The following PLCB4 variants were observed in gnomAD, a reference collection of about 807,000 sequenced individuals.
PLCB4 encodes the protein 1-phosphatidylinositol 4,5-bisphosphate phosphodiesterase beta-4.
PLCB4 carries 77 observed loss-of-function variants against 178.8 expected under a neutral mutation model. The observed-to-expected ratio is 0.43, with a 90% confidence interval of 0.36 to 0.52. PLCB4 has a LOEUF of 0.52. Ranked by LOEUF, PLCB4 falls within the 20% of genes least tolerant of loss-of-function variation. PLCB4 has a pLI of 0.00. For missense variants in PLCB4, 1,024 were observed against 1,453.4 expected (o/e 0.70, Z 4.80); for synonymous variants, 496 against 490.8 (o/e 1.01, Z -0.14).
intron 2 of PLCB4, among the ~76,000 whole-genome samples, chr20:9,123,404 C>T (rs76555928): frequency 0.021 from 2,928 of 136,554 alleles, 35 homozygotes; most frequent in Non-Finnish European, 0.031. Flanking sequence ...TTTTAAGAAA[C>T]TCCTGGAAAT....
chr20:9,096,522 G>A (rs185367103), intron 2 of PLCB4, among the ~76,000 whole-genome samples, 180 bp downstream of exon 2: 2 of 152,260 alleles, frequency 1.3e-5, no homozygotes, highest in East Asian at 3.9e-4. Flanking sequence ...TCTTTTTAAA[G>A]AATGACTATT....
At chr20:9,375,646 T>G (rs1380164545) in intron 12 of PLCB4, among the ~76,000 whole-genome samples, 1 of 152,120 alleles carries the variant, frequency 6.6e-6, no homozygotes, top group East Asian at 1.9e-4. Context: ...ATTTCAAGTT[T>G]TTCCACTCCA....
At chr20:9,101,066 T>A (rs991811299) in intron 2 of PLCB4, among the ~76,000 whole-genome samples, 3 of 152,118 alleles carry the variant, frequency 2.0e-5, no homozygotes, top group Admixed American at 6.5e-5. Context: ...AGTGGAACCA[T>A]CACCCCAGGG....
rs1462526143 is a variant in PLCB4 at position 9,314,849 on chromosome 20, A to G, written c.84+6951A>G. On this transcript the variant is annotated intron_variant, in intron 4 of 39. Coordinates refer to ENST00000378473, the MANE Select transcript of PLCB4 (RefSeq NM_001377142.1). ...TCACTCACCCTCTTATGTGGGTGAT[A>G]CTGCATTCCTCAGGGTAGAGGAATT... is the stretch of plus-strand genomic sequence containing the variant. Among the ~76,000 whole-genome samples the G allele has an allele frequency of 2.0e-5, 3 of 150,834 alleles. No homozygotes were observed. The East Asian group carries it at 5.8e-4, about 29-fold the overall frequency.
At chr20:9,444,264 T>A in intron 32 of PLCB4, 21 bp downstream of exon 32, 1 of 1,423,978 alleles carries the variant, frequency 7.0e-7, no homozygotes, top group Non-Finnish European at 9.9e-7. Context: ...CTACAGCTAC[T>A]ATTTTGTGTT....
chr20:9,300,580 T>C (rs573073102), intron 3 of PLCB4, among the ~76,000 whole-genome samples: 14 of 152,268 alleles, frequency 9.2e-5, no homozygotes, highest in African/African-American at 3.4e-4. Flanking sequence ...TACAAGACAT[T>C]TGGAACCTGG....
intron 4 of PLCB4, among the ~76,000 whole-genome samples, chr20:9,326,900 A>C (rs1290087065): frequency 6.6e-6 from 1 of 152,158 alleles, no homozygotes; most frequent in Non-Finnish European, 1.5e-5. Flanking sequence ...GACATGCACT[A>C]ATACCATTGC....
At chr20:9,150,052 G>A (rs546119811) in intron 2 of PLCB4, among the ~76,000 whole-genome samples, 13 of 152,262 alleles carry the variant, frequency 8.5e-5, no homozygotes, top group Admixed American at 2.6e-4. Flanking sequence ...GACAGTTGAG[G>A]GCATTCTGCC....
intron 7 of PLCB4, among the ~76,000 whole-genome samples, chr20:9,359,434 T>G (rs568368787): frequency 2.2e-4 from 33 of 152,294 alleles, no homozygotes; most frequent in African/African-American, 7.9e-4. Context: ...TTCCCCCTTC[T>G]TCTTAGAAGG....
chr20:9,120,190 C>T (rs1600541002), intron 2 of PLCB4, among the ~76,000 whole-genome samples: 1 of 152,206 alleles, frequency 6.6e-6, no homozygotes, highest in Admixed American at 6.5e-5. Context: ...GTGCAGTCTT[C>T]TCCTGAGTGC....
chr20:9,221,659 A>G (rs1238239801), intron 3 of PLCB4, among the ~76,000 whole-genome samples: 4 of 152,220 alleles, frequency 2.6e-5, no homozygotes. Context: ...TCAAAGAGCT[A>G]AGTCCTAAAG....
At chr20:9,078,633 A>G (rs1384116475) in intron 1 of PLCB4, among the ~76,000 whole-genome samples, 4 of 152,146 alleles carry the variant, frequency 2.6e-5, no homozygotes, top group Non-Finnish European at 5.9e-5. Flanking sequence ...AAGTGCTGGG[A>G]TTACAGGTGT....
At chr20:9,168,005 C>T (rs369344397) in intron 2 of PLCB4, among the ~76,000 whole-genome samples, 1 of 152,146 alleles carries the variant, frequency 6.6e-6, no homozygotes, top group Admixed American at 6.6e-5. Flanking sequence ...GCATGAAGAA[C>T]TTTCACAGCT....
At chr20:9,170,745 G>A (rs1028582284) in intron 2 of PLCB4, among the ~76,000 whole-genome samples, 2 of 152,168 alleles carry the variant, frequency 1.3e-5, no homozygotes, top group African/African-American at 4.8e-5. Flanking sequence ...AAGGTCTGGG[G>A]TTGATTTGGA....
At chr20:9,112,156 G>T (rs1343032959) in intron 2 of PLCB4, among the ~76,000 whole-genome samples, 1 of 151,952 alleles carries the variant, frequency 6.6e-6, no homozygotes, top group Non-Finnish European at 1.5e-5. Flanking sequence ...TTATGTAGTT[G>T]GAAGTGTTAA....
chr20:9,149,886 C>T (rs2092662631), intron 2 of PLCB4, among the ~76,000 whole-genome samples: 1 of 152,144 alleles, frequency 6.6e-6, no homozygotes, highest in African/African-American at 2.4e-5. Flanking sequence ...CAGGACTGGG[C>T]AGAGGGAGAA....
intron 1 of PLCB4, among the ~76,000 whole-genome samples, chr20:9,075,051 C>T (rs1297285465): frequency 6.6e-6 from 1 of 151,990 alleles, no homozygotes; most frequent in Non-Finnish European, 1.5e-5. Context: ...TAAAATGTGC[C>T]ACTTTATTTA....
intron 2 of PLCB4, among the ~76,000 whole-genome samples, chr20:9,140,255 C>T (rs2092461117): frequency 6.6e-6 from 1 of 152,022 alleles, no homozygotes; most frequent in Non-Finnish European, 1.5e-5. Flanking sequence ...CATGGAACAC[C>T]CTGGATTAAG....
intron 2 of PLCB4, among the ~76,000 whole-genome samples, chr20:9,137,943 A>G (rs1381039010): frequency 6.6e-6 from 1 of 152,128 alleles, no homozygotes; most frequent in Non-Finnish European, 1.5e-5. Flanking sequence ...TAGTTTGGAA[A>G]ATAGAAGCCC....
Sources: allele counts gnomAD v4.1 joint callset (sites outside exome capture counted in the v4.1 genomes callset), GRCh38; gene constraint gnomAD v4.1.1; transcripts MANE v1.5; gene names NCBI Gene and HGNC (gene_info 2026-07-23, HGNC 2026-07-21).